PSME3: variants seen among roughly 807,000 people sequenced by gnomAD.
PSME3 encodes proteasome activator subunit 3.
Under a neutral mutation model 38.3 loss-of-function variants are expected in PSME3, and 7 were observed. That is an observed-to-expected ratio of 0.18 (90% confidence interval 0.10 to 0.34). The LOEUF is 0.34. PSME3 is among the 10% of genes least tolerant of loss of function. PSME3 has a pLI of 1.00. For synonymous variants in PSME3, 108 were observed against 105.7 expected, an observed-to-expected ratio of 1.02 and a Z score of -0.13; for missense variants, 192 against 307.6, an observed-to-expected ratio of 0.62 and a Z score of 2.81.
At chr17:42,834,310 C>G (rs754353688) in intron 1 of PSME3, 34 bp from the exon 2 acceptor site, 22 of 1,613,820 alleles carry the variant, frequency 1.4e-5, no homozygotes, top group Non-Finnish European at 1.4e-5. Flanking sequence ...ACCTCTGTCC[C>G]CAGGTACTGA....
intron 9 of PSME3, 25 bp from the exon 10 acceptor site, chr17:42,839,269 G>T: frequency 1.9e-6 from 3 of 1,602,316 alleles, no homozygotes; most frequent in Non-Finnish European, 2.6e-6. Context: ...TTGGGGACTA[G>T]CTTTTTCCTG....
rs753792409 is a variant in PSME3, at chr17:42,841,622, C to A, written c.*44C>A. On this transcript the variant is annotated 3_prime_UTR_variant, in exon 11 of 11. Coordinates refer to ENST00000590720, the MANE Select transcript of PSME3 (RefSeq NM_005789.4). ...GGGACTCTGTGAGTCTGGCTCAAGA[C>A]CGACATTGCCTTGGTTTGTTACATG... is the stretch of plus-strand genomic sequence containing the variant. 2.8e-5 allele frequency: 38 copies of A among 1,364,696 alleles called. No individual in the cohort carries two copies. The highest frequency in any genetic ancestry group is 1.9e-4 in the Middle Eastern group (1 of 5,222). 84.5% of individuals were successfully genotyped at this position (1,364,696 alleles called of 1,614,324 possible).
At position 42,839,390 on chromosome 17, in the gene PSME3, C is replaced by G; in HGVS notation, c.684+10C>G. The G allele has an allele frequency of 6.3e-7, 1 of 1,584,766 alleles. No homozygotes were observed. Among genetic ancestry groups the G allele is most frequent in the Non-Finnish European group, 8.7e-7 (1 of 1,154,624 alleles). The stretch of plus-strand genomic sequence containing the variant: ...GCTGAGGAATCAATATGTGAGTAAT[C>G]TCAGTCCTTGTCCATAGTTGCTGTG... On this transcript the variant is annotated intron_variant, in intron 10 of 10. Transcript: ENST00000590720.
In PSME3 at chr17:42,833,484, A is replaced by C; in HGVS notation, c.-148A>C. Reference sequence around the variant, plus strand: ...CTGCCGGCGGGCGGGCGGACGGCACAGAGGGAGGGAGCGAGCGAGCAGTGA... The same window carrying C: ...CTGCCGGCGGGCGGGCGGACGGCACCGAGGGAGGGAGCGAGCGAGCAGTGA... On this transcript the variant is annotated 5_prime_UTR_variant, in exon 1 of 11. Transcript: ENST00000590720. 2.1e-6 allele frequency: 2 copies of C among 943,192 alleles called. No individual in the cohort carries two copies. Among genetic ancestry groups the C allele is most frequent in the South Asian group, 1.5e-5 (1 of 64,656 alleles). 58.4% of individuals were successfully genotyped at this position (943,192 alleles called of 1,614,324 possible).
chr17:42,835,019 A>G, intron 4 of PSME3, 143 bp downstream of exon 4: 1 of 1,155,280 alleles, frequency 8.7e-7, no homozygotes, highest in Non-Finnish European at 1.1e-6. Flanking sequence ...TGACTCTAGT[A>G]TAGTTCTTTT....
intron 1 of PSME3, 43 bp downstream of exon 1, chr17:42,833,716 C>T (rs2055426671): frequency 1.2e-6 from 2 of 1,614,108 alleles, no homozygotes; most frequent in African/African-American, 2.7e-5. Flanking sequence ...GCTTTGATCC[C>T]CCAGCAGTCT....
rs774826806 is a variant in PSME3 at position 42,841,561 on chromosome 17, G to A, written c.748G>A (p.Ala250Thr). ...GATCAAACGGCCCCGGAGCAGCAATGCAGAGACTCTGTACTGAGGCCAGGG... is the reference window on the plus strand; with the variant it reads ...GATCAAACGGCCCCGGAGCAGCAATACAGAGACTCTGTACTGAGGCCAGGG... ...EKIKRPRSSN[A>T]ETLY The change falls in exon 11 of 11, where the codon GCA (alanine) becomes ACA (threonine). Residue 250 changes from alanine to threonine, a missense_variant. By Grantham distance (58) the Ala-to-Thr change is moderately conservative. Around this residue, in one of 2 missense-constraint regions of PSME3, gnomAD observed 82 missense variants for 168.2 expected, o/e 0.49. Transcript: ENST00000590720. The A allele has an allele frequency of 2.5e-6, 4 of 1,608,552 alleles. No homozygotes were observed. Among genetic ancestry groups the A allele is most frequent in the Non-Finnish European group, 3.4e-6 (4 of 1,176,792 alleles).
chr17:42,834,562 T>G lies in PSME3; in HGVS notation c.123T>G (p.Leu41=). ...ANFFPKKLLE[L]DSFLKEPILN... ...TTTTCCCAAAGAAGTTATTAGAACT[T>G]GATAGTTTTCTGAAGGTGAGAGACC... is the stretch of plus-strand genomic sequence containing the variant. Residue 41 remains leucine, a synonymous_variant, in exon 3 of 11, where the codon CTT becomes CTG. Coordinates refer to ENST00000590720, the MANE Select transcript of PSME3 (RefSeq NM_005789.4). 1 of 1,614,012 alleles carries G rather than the reference T, an allele frequency of 6.2e-7. No individual in the cohort carries two copies. The highest frequency in any genetic ancestry group is 1.1e-5 in the South Asian group (1 of 91,070).
At chr17:42,836,066 G>A (rs193194593) in intron 4 of PSME3, among the ~76,000 whole-genome samples, 4 of 148,680 alleles carry the variant, frequency 2.7e-5, no homozygotes, top group Admixed American at 1.4e-4. Context: ...GTGCAGTGGC[G>A]CGATCTCAGC....
At chr17:42,834,141 G>T in intron 1 of PSME3, 1 of 1,477,614 alleles carries the variant, frequency 6.8e-7, no homozygotes, top group East Asian at 2.5e-5. Context: ...GGACAGAGGA[G>T]ACAGGCAGGT....
intron 1 of PSME3, 110 bp downstream of exon 1, chr17:42,833,783 C>T (rs773216850): frequency 2.5e-6 from 4 of 1,603,228 alleles, no homozygotes; most frequent in Non-Finnish European, 3.4e-6. Flanking sequence ...CAGCTCTGAG[C>T]TTCCGCTCGG....
At position 42,841,576 on chromosome 17, in the gene PSME3, TG is replaced by T; in HGVS notation, c.764del (p.Ter255=). Reference protein sequence around the residue: ...PRSSNAETLY* With the variant: ...PRSSNAETLYX ...GAGCAGCAATGCAGAGACTCTGTAC[TG>T]AGGCCAGGGCCAGGGCCAGGGGACT... On this transcript the variant is annotated frameshift_variant and stop_lost, in exon 11 of 11. Coordinates refer to ENST00000590720, the MANE Select transcript of PSME3 (RefSeq NM_005789.4). LOFTEE classifies it high-confidence loss of function. The T allele has an allele frequency of 1.2e-6, 2 of 1,600,126 alleles. No homozygotes were observed. The highest frequency in any genetic ancestry group is 1.3e-5 in the African/African-American group (1 of 74,498).
rs764212450 is a variant in PSME3 at position 42,839,015 on chromosome 17, A to T, written c.542+3A>T. ...TCTTATCTGGACCAGATTTCTAGGT[A>T]GGGCTGCTTGGGCTTGGCCGAGGCG... is the stretch of plus-strand genomic sequence containing the variant. On this transcript the variant is annotated splice_donor_region_variant and intron_variant, in intron 8 of 10. Transcript: ENST00000590720. The T allele has an allele frequency of 6.2e-7, 1 of 1,614,104 alleles. No homozygotes were observed. Among genetic ancestry groups the T allele is most frequent in the East Asian group, 2.2e-5 (1 of 44,880 alleles).
chr17:42,837,528 T>C (rs1428421539), intron 4 of PSME3, 121 bp from the exon 5 acceptor site: 3 of 1,087,960 alleles, frequency 2.8e-6, no homozygotes, highest in African/African-American at 3.1e-5. Flanking sequence ...TAGGAAATTG[T>C]GCAGAAATTA....
chr17:42,837,761 G>A (rs2055480881), intron 5 of PSME3, 64 bp downstream of exon 5: 39 of 1,538,080 alleles, frequency 2.5e-5, no homozygotes, highest in Non-Finnish European at 3.5e-5. Context: ...TGAGAAGCAG[G>A]ATGGATCTAG....
intron 4 of PSME3, among the ~76,000 whole-genome samples, chr17:42,836,171 A>T (rs2055461215): frequency 6.6e-6 from 1 of 151,624 alleles, no homozygotes; most frequent in East Asian, 2.0e-4. Context: ...CGCCCAGCCA[A>T]TTTTTTTATT....
intron 4 of PSME3, among the ~76,000 whole-genome samples, chr17:42,836,839 G>A (rs2055469596): frequency 6.6e-6 from 1 of 151,874 alleles, no homozygotes. Flanking sequence ...TGGGATTACA[G>A]GTGTGAGCCA....
Position 42,843,613 on chromosome 17 carries a change from T to C in PSME3, c.*2035T>C, listed in dbSNP as rs1002688298. 3 of 152,358 alleles carry C rather than the reference T, an allele frequency of 2.0e-5. No homozygotes were observed. The highest frequency in any genetic ancestry group is 4.4e-5 in the Non-Finnish European group (3 of 68,040). 9.4% of individuals were successfully genotyped at this position (152,358 alleles called of 1,614,324 possible). A position where few individuals can be genotyped will look rare whatever the true frequency, so the allele number is the denominator to read the frequency against. On this transcript the variant is annotated 3_prime_UTR_variant, in exon 11 of 11. Coordinates refer to ENST00000590720, the MANE Select transcript of PSME3 (RefSeq NM_005789.4). ...CTGGTTCAAGGCGCGTCCTACCCAG[T>C]CATTTTCTTTACCTTATACTAATTC... is the stretch of plus-strand genomic sequence containing the variant.
intron 1 of PSME3, 151 bp downstream of exon 1, chr17:42,833,824 C>A: frequency 6.4e-7 from 1 of 1,557,346 alleles, no homozygotes; most frequent in Non-Finnish European, 8.7e-7. Context: ...CCGGGGTCGG[C>A]TTCGCGGGAG....
Sources: gnomAD v4.1 joint callset for allele counts (sites outside exome capture counted in the v4.1 genomes callset) on GRCh38, gnomAD v4.1.1 for gene constraint, gnomAD v4.1.1 regional missense constraint, MANE v1.5 for transcripts, NCBI Gene and HGNC (gene_info 2026-07-23, HGNC 2026-07-21) for gene names.